PARVA: variants seen among roughly 807,000 people sequenced by gnomAD.
The protein encoded by PARVA is parvin alpha.
A neutral mutation model predicts 52.6 loss-of-function variants in PARVA; 25 were observed. The observed-to-expected ratio is 0.48, with a 90% CI of 0.35 to 0.66. The LOEUF (loss-of-function observed/expected upper bound fraction) is 0.66. Among genes scored for constraint, PARVA ranks in the 30% least tolerant of loss-of-function variants. The pLI is 0.01. For synonymous variants in PARVA, 185 were observed against 179.1 expected, an observed-to-expected ratio of 1.03 and a Z score of -0.26; for missense variants, 373 against 450.9, an observed-to-expected ratio of 0.83 and a Z score of 1.56.
chr11:12,528,042 C>G lies in PARVA; in HGVS notation c.*117C>G. On this transcript the variant is annotated 3_prime_UTR_variant, in exon 13 of 13. Coordinates refer to ENST00000334956, the MANE Select transcript of PARVA (RefSeq NM_018222.5). Reference sequence around the variant, plus strand: ...TCTTGCACTGTGCTCTCCCACAAGTCCAGCTGCAACCCAGAGATAGTGGAA... The same window carrying G: ...TCTTGCACTGTGCTCTCCCACAAGTGCAGCTGCAACCCAGAGATAGTGGAA... 2.6e-6 allele frequency: 2 copies of G among 756,704 alleles called. No individual in the cohort carries two copies. The highest frequency in any genetic ancestry group is 2.9e-5 in the South Asian group (2 of 67,920). The allele number at this position is 756,704 out of a possible 1,614,324, so 46.9% of individuals were successfully genotyped here. A position where few individuals can be genotyped will look rare whatever the true frequency, so the allele number is the denominator to read the frequency against.
Position 12,475,339 on chromosome 11 carries a change from G to A in PARVA, c.297+1356G>A, listed in dbSNP as rs78244306. ...GCCATGGCTCAACCACTCCACGGCT[G>A]CTATAACCCTATCCTTAGTTCTGTT... is the stretch of plus-strand genomic sequence containing the variant. On this transcript the variant is annotated intron_variant, in intron 3 of 12. Coordinates refer to ENST00000334956, the MANE Select transcript of PARVA (RefSeq NM_018222.5). Among the ~76,000 whole-genome samples, 79 of 152,314 alleles carry A rather than the reference G, an allele frequency of 5.2e-4. No individual in the cohort carries two copies. In the East Asian group the frequency reaches 0.015, roughly 28 times the overall value.
chr11:12,493,948 A>C (rs548888610), intron 4 of PARVA, among the ~76,000 whole-genome samples: 13 of 152,380 alleles, frequency 8.5e-5, no homozygotes, highest in Non-Finnish European at 1.5e-4. Context: ...GGCATTCGCC[A>C]AGTTCAGACC....
At chr11:12,426,888 G>C (rs1940242864) in intron 1 of PARVA, among the ~76,000 whole-genome samples, 1 of 152,204 alleles carries the variant, frequency 6.6e-6, no homozygotes, top group Non-Finnish European at 1.5e-5. Context: ...GTTGCAGTGT[G>C]ACTGGAGAGG....
chr11:12,425,467 T>G (rs903644183), intron 1 of PARVA, among the ~76,000 whole-genome samples: 7 of 152,262 alleles, frequency 4.6e-5, no homozygotes, highest in African/African-American at 1.7e-4. Flanking sequence ...TACCTTGATC[T>G]CCTCATTGCC....
intron 1 of PARVA, among the ~76,000 whole-genome samples, chr11:12,430,033 C>T (rs1349497558): frequency 1.3e-4 from 20 of 152,156 alleles, no homozygotes; most frequent in Admixed American, 1.3e-3. Context: ...GTTTAATCTG[C>T]ATCATTGACA....
At chr11:12,383,423 T>C (rs922505235) in intron 1 of PARVA, among the ~76,000 whole-genome samples, 5 of 152,244 alleles carry the variant, frequency 3.3e-5, no homozygotes, top group Non-Finnish European at 7.3e-5. Flanking sequence ...CATTTAAGTT[T>C]TTATCCCCCA....
At chr11:12,418,809 T>G (rs556951463) in intron 1 of PARVA, among the ~76,000 whole-genome samples, 1 of 152,318 alleles carries the variant, frequency 6.6e-6, no homozygotes, top group East Asian at 1.9e-4. Flanking sequence ...GAAAGCACTT[T>G]GAATGCTGCC....
intron 4 of PARVA, among the ~76,000 whole-genome samples, chr11:12,483,830 G>A (rs1037456035): frequency 6.6e-6 from 1 of 152,160 alleles, no homozygotes; most frequent in East Asian, 1.9e-4. Context: ...GCCTCTTCAT[G>A]ACATACACTT....
intron 1 of PARVA, 51 bp from the exon 2 acceptor site, chr11:12,473,694 C>A (rs1940963729): frequency 1.5e-6 from 2 of 1,377,130 alleles, no homozygotes; most frequent in Non-Finnish European, 1.0e-6. Context: ...GAGCTCCAAC[C>A]CCCTGCCGTC....
At position 12,531,767 on chromosome 11, in the gene PARVA, C is replaced by G. The variant is rs1414275339; in HGVS notation, c.*3842C>G. Among the ~76,000 whole-genome samples, 3 of 151,890 alleles carry G rather than the reference C, an allele frequency of 2.0e-5. No homozygotes were observed. The highest frequency in any genetic ancestry group is 3.9e-4 in the East Asian group (2 of 5,190). On this transcript the variant is annotated 3_prime_UTR_variant, in exon 13 of 13. Coordinates refer to ENST00000334956, the MANE Select transcript of PARVA (RefSeq NM_018222.5). ...ATTTCCCCCAAAAATTTGCTTAACT[C>G]TATTGGAAAATCCAAGAGAATTGCT... is the stretch of plus-strand genomic sequence containing the variant.
chr11:12,485,774 A>G (rs1288036353), intron 4 of PARVA, among the ~76,000 whole-genome samples: 5 of 152,152 alleles, frequency 3.3e-5, no homozygotes, highest in African/African-American at 4.8e-5. Flanking sequence ...CAGGCTTCCC[A>G]TGGTTAGAGT....
intron 4 of PARVA, among the ~76,000 whole-genome samples, chr11:12,487,308 G>A (rs1274147358): frequency 6.6e-6 from 1 of 152,150 alleles, no homozygotes; most frequent in Non-Finnish European, 1.5e-5. Context: ...AATTGAAGCA[G>A]GAATGAAGAA....
At chr11:12,447,283 G>T (rs1276211798) in intron 1 of PARVA, among the ~76,000 whole-genome samples, 1 of 152,104 alleles carries the variant, frequency 6.6e-6, no homozygotes, top group Non-Finnish European at 1.5e-5. Flanking sequence ...GTGAGGGTGG[G>T]GTCAGGAGAG....
chr11:12,444,336 T>G (rs1346274754), intron 1 of PARVA, among the ~76,000 whole-genome samples: 1 of 152,058 alleles, frequency 6.6e-6, no homozygotes, highest in African/African-American at 2.4e-5. Context: ...TAAAGATGGG[T>G]GTTGAGGGCC....
At chr11:12,397,792 C>T (rs1033264265) in intron 1 of PARVA, among the ~76,000 whole-genome samples, 3 of 151,646 alleles carry the variant, frequency 2.0e-5, no homozygotes, top group African/African-American at 7.3e-5. Flanking sequence ...CTCCCAAGTC[C>T]CCTGCCCCCA....
intron 12 of PARVA, among the ~76,000 whole-genome samples, chr11:12,519,017 A>G (rs994498639): frequency 2.6e-5 from 4 of 152,222 alleles, no homozygotes; most frequent in Non-Finnish European, 5.9e-5. Context: ...AGAAGGGACA[A>G]GTGCTTCTGC....
chr11:12,463,061 T>C (rs1343996650), intron 1 of PARVA, among the ~76,000 whole-genome samples: 1 of 141,590 alleles, frequency 7.1e-6, no homozygotes, highest in African/African-American at 2.4e-5. Context: ...TAGTTTTAGA[T>C]CTACCAAAAA....
In PARVA at chr11:12,532,737, C is replaced by G. The variant is rs970886877; in HGVS notation, c.*4812C>G. Among the ~76,000 whole-genome samples, 7 of 152,168 alleles carry G rather than the reference C, an allele frequency of 4.6e-5. No homozygotes were observed. Among genetic ancestry groups the G allele is most frequent in the African/African-American group, 7.2e-5 (3 of 41,428 alleles). ...GTCGTGGAGCTACTCCAATGAGAAG[C>G]CTGCCACTCCAGGGCGCACCACGGA... On this transcript the variant is annotated 3_prime_UTR_variant, in exon 13 of 13. Transcript: ENST00000334956.
intron 1 of PARVA, among the ~76,000 whole-genome samples, chr11:12,440,251 TG>T (rs1483150415): frequency 6.6e-6 from 1 of 152,202 alleles, no homozygotes; most frequent in African/African-American, 2.4e-5. Flanking sequence ...TGATTGGTGC[TG>T]GCCCCGTGAG....
Sources: gnomAD v4.1 joint callset for allele counts (sites outside exome capture counted in the v4.1 genomes callset) on GRCh38, gnomAD v4.1.1 for gene constraint, MANE v1.5 for transcripts, NCBI Gene and HGNC (gene_info 2026-07-23, HGNC 2026-07-21) for gene names.